The following SH2D3A variants were observed in gnomAD, a reference collection of about 807,000 sequenced individuals.
The protein encoded by SH2D3A is SH2 domain containing 3A, also known as SH2 domain-containing protein 3A.
In SH2D3A, 46 loss-of-function variants were observed where a neutral mutation model predicts 50.6. The observed-to-expected ratio is 0.91, with a 90% CI of 0.72 to 1.16. SH2D3A has a LOEUF of 1.16. Ranked by LOEUF, SH2D3A falls within the 50% of genes most tolerant of loss-of-function variation. The pLI is 0.00. For synonymous variants in SH2D3A, 377 were observed against 348.4 expected (o/e 1.08, Z -0.91); for missense variants, 783 against 786.2 (o/e 1.00, Z 0.05).
intron 4 of SH2D3A, chr19:6,757,494 T>C (rs988839262): frequency 6.6e-6 from 1 of 152,160 alleles, no homozygotes; most frequent in Non-Finnish European, 1.5e-5. Flanking sequence ...CCCACTCATT[T>C]TTTGGTTGAA....
chr19:6,759,740 C>T, intron 3 of SH2D3A, 70 bp from the exon 4 acceptor site: 1 of 1,491,234 alleles, frequency 6.7e-7, no homozygotes, highest in Non-Finnish European at 9.3e-7. Flanking sequence ...ATCTGCAAAA[C>T]CCTGTGTCCA....
In SH2D3A at chr19:6,763,661, GTCC is replaced by G; in HGVS notation, c.69+16_69+18del. The stretch of plus-strand genomic sequence containing the variant: ...AGGCTCCCCACCAGATGGTGCTGAG[GTCC>G]TGCTGTGGGTGGTACCTGGCGGGAC... On this transcript the variant is annotated intron_variant, in intron 2 of 9. Coordinates refer to ENST00000245908, the MANE Select transcript of SH2D3A (RefSeq NM_005490.3). The G allele has an allele frequency of 6.2e-7, 1 of 1,610,622 alleles. No individual in the cohort carries two copies.
chr19:6,766,770 G>A (rs539682417), intron 1 of SH2D3A, among the ~76,000 whole-genome samples: 1 of 152,342 alleles, frequency 6.6e-6, no homozygotes, highest in Admixed American at 6.5e-5. Context: ...CCATTTCTAA[G>A]AGTTATCAAT....
intron 9 of SH2D3A, 86 bp from the exon 10 acceptor site, chr19:6,752,839 A>G: frequency 7.0e-7 from 1 of 1,434,636 alleles, no homozygotes. Context: ...CTTTCCCCAG[A>G]GGACTTTGAC....
Position 6,755,180 on chromosome 19 carries a change from G to C in SH2D3A, c.632C>G (p.Thr211Arg). 6.3e-7 allele frequency: 1 copy of C among 1,597,378 alleles called. No individual in the cohort carries two copies. Among genetic ancestry groups the C allele is most frequent in the Non-Finnish European group, 8.5e-7 (1 of 1,169,846 alleles). The change falls in exon 5 of 10, where the codon ACG becomes AGG. Residue 211 changes from threonine (T) to arginine (R), a missense_variant. Coordinates refer to ENST00000245908, the MANE Select transcript of SH2D3A (RefSeq NM_005490.3). ...SDGQLQAKAP[T>R]KPPRTPSFEL... is the part of the protein sequence containing the mutation. ...GAAGGAGGGTGTCCGGGGGGGCTTC[G>C]TTGGTGCCTTGGCTTGAAGCTGCCC...
intron 2 of SH2D3A, among the ~76,000 whole-genome samples, chr19:6,762,037 AG>A (rs1450959524): frequency 6.6e-6 from 1 of 151,930 alleles, no homozygotes; most frequent in Non-Finnish European, 1.5e-5. Context: ...GGCAAAGTAG[AG>A]CTGAACATGG....
chr19:6,767,304 G>A (rs28680825), intron 1 of SH2D3A, 83 bp downstream of exon 1: 22,658 of 152,204 alleles, frequency 0.15, 1,954 homozygotes, highest in African/African-American at 0.24. Flanking sequence ...GATCCTCCCT[G>A]CGAGCCGGTG....
At chr19:6,753,785 T>C (rs2145571981) in intron 8 of SH2D3A, 144 bp from the exon 9 acceptor site, 6 of 981,874 alleles carry the variant, frequency 6.1e-6, no homozygotes, top group Admixed American at 3.1e-5. Flanking sequence ...ACACGCCCCG[T>C]ATGGAGGGCG....
intron 4 of SH2D3A, among the ~76,000 whole-genome samples, chr19:6,755,678 C>T (rs1969627938): frequency 6.6e-6 from 1 of 151,904 alleles, no homozygotes; most frequent in South Asian, 2.1e-4. Context: ...CATGAGCCAC[C>T]TTGCCTGACC....
chr19:6,753,994 G>A (rs1969490009), intron 8 of SH2D3A, 58 bp downstream of exon 8: 5 of 1,518,234 alleles, frequency 3.3e-6, no homozygotes, highest in Non-Finnish European at 4.4e-6. Flanking sequence ...ACTAGATTGA[G>A]TCCTGTTAAA....
chr19:6,764,713 CT>C (rs998615138), intron 1 of SH2D3A, among the ~76,000 whole-genome samples: 6 of 147,428 alleles, frequency 4.1e-5, no homozygotes, highest in South Asian at 2.2e-4. Flanking sequence ...GGTGAACACT[CT>C]TTTTTTTTTG....
At position 6,763,819 on chromosome 19, in the gene SH2D3A, G is replaced by T. The variant is rs1970161545; in HGVS notation, c.-68-3C>A. 21 of 1,214,600 alleles carry T rather than the reference G, an allele frequency of 1.7e-5. No homozygotes were observed. In the South Asian group the frequency reaches 2.3e-4, roughly 13 times the overall value. The allele number at this position is 1,214,600 out of a possible 1,614,324, so 75.2% of individuals were successfully genotyped here. ...CAACAGGCCTCAGTCTTCCACATCTGTAAAAGGGGAATAATTAGCCCTGCT... is the reference window on the plus strand; with the variant it reads ...CAACAGGCCTCAGTCTTCCACATCTTTAAAAGGGGAATAATTAGCCCTGCT... On this transcript the variant is annotated splice_region_variant and splice_polypyrimidine_tract_variant and intron_variant, in intron 1 of 9. Coordinates refer to ENST00000245908, the MANE Select transcript of SH2D3A (RefSeq NM_005490.3).
intron 1 of SH2D3A, among the ~76,000 whole-genome samples, chr19:6,766,577 G>A (rs542491293): frequency 2.2e-3 from 337 of 152,340 alleles, no homozygotes; most frequent in Non-Finnish European, 3.8e-3. Context: ...GATGTAGGCA[G>A]GACTCGCTTT....
chr19:6,760,246 C>T (rs1464244587), intron 3 of SH2D3A, among the ~76,000 whole-genome samples: 4 of 152,134 alleles, frequency 2.6e-5, no homozygotes, highest in Admixed American at 6.5e-5. Context: ...CATGGTGGTG[C>T]ACGCCTGTAA....
Position 6,752,264 on chromosome 19 carries a change from G to GC in SH2D3A, c.*328dup. 1 of 251,136 alleles carries GC rather than the reference G, an allele frequency of 4.0e-6. No homozygotes were observed. Among genetic ancestry groups the GC allele is most frequent in the Non-Finnish European group, 7.5e-6 (1 of 133,350 alleles). The allele number at this position is 251,136 out of a possible 1,614,324, so 15.6% of individuals were successfully genotyped here. A position where few individuals can be genotyped will look rare whatever the true frequency, so the allele number is the denominator to read the frequency against. ...ACTCCTGGCCTCAAGCCTTCCTTCC[G>GC]CCTCGGCCTCCCAAAGTGCTGAGAT... On this transcript the variant is annotated 3_prime_UTR_variant, in exon 10 of 10. Coordinates refer to ENST00000245908, the MANE Select transcript of SH2D3A (RefSeq NM_005490.3).
In SH2D3A at chr19:6,753,371, C is replaced by T. The variant is rs552840306; in HGVS notation, c.1570+85G>A. ...GGGAGGCGTGGCGAGAGGCTCCCCT[C>T]CTGGGACAGGCTGGGTTTGGGGGAT... On this transcript the variant is annotated intron_variant, in intron 9 of 9. Coordinates refer to ENST00000245908, the MANE Select transcript of SH2D3A (RefSeq NM_005490.3). 594 of 1,406,108 alleles carry T rather than the reference C, an allele frequency of 4.2e-4. 1 individual carries two copies. The African/African-American group carries it at 8.0e-3, about 19-fold the overall frequency. The allele number at this position is 1,406,108 out of a possible 1,614,324, so 87.1% of individuals were successfully genotyped here. A position where few individuals can be genotyped will look rare whatever the true frequency, so the allele number is the denominator to read the frequency against.
rs777797779 is a variant in SH2D3A at position 6,760,869 on chromosome 19, A to G, written c.188T>C (p.Phe63Ser). 6.2e-7 allele frequency: 1 copy of G among 1,614,228 alleles called. No homozygotes were observed. The highest frequency in any genetic ancestry group is 8.5e-7 in the Non-Finnish European group (1 of 1,180,038). Reference protein sequence around the residue: ...WRGSALHFEVFRVALRPRPGR... With the variant: ...WRGSALHFEVSRVALRPRPGR... ...TGGCCGGGGACGCAGGGCCACACGG[A>G]ACACCTCAAAATGGAGGGCTGAGCC... Residue 63 changes from phenylalanine to serine, a missense_variant, in exon 3 of 10, where the codon TTC becomes TCC. By Grantham distance (155) the Phe-to-Ser change is radical. Transcript: ENST00000245908.
At chr19:6,758,155 T>TTTTATTTTA (rs748038543) in intron 4 of SH2D3A, 12 of 151,958 alleles carry the variant, frequency 7.9e-5, no homozygotes, top group African/African-American at 1.7e-4. Context: ...ATTTTATTTT[T>TTTTATTTTA]TTTTAGTAGA....
At chr19:6,760,331 G>A (rs190394251) in intron 3 of SH2D3A, among the ~76,000 whole-genome samples, 26 of 151,740 alleles carry the variant, frequency 1.7e-4, no homozygotes, top group Admixed American at 1.4e-3. Flanking sequence ...GGCTGAGATC[G>A]TGCCATTGCA....
Sources: gnomAD v4.1 joint callset for allele counts (sites outside exome capture counted in the v4.1 genomes callset) on GRCh38, gnomAD v4.1.1 for gene constraint, MANE v1.5 for transcripts, NCBI Gene and HGNC (gene_info 2026-07-23, HGNC 2026-07-21) for gene names.